ASPM: variants seen among roughly 807,000 people sequenced by gnomAD.
The protein encoded by ASPM is assembly factor for spindle microtubules.
ASPM carries 256 observed loss-of-function variants against 366.4 expected under a neutral mutation model. That is an observed-to-expected ratio of 0.70 (90% CI 0.63 to 0.77). The LOEUF is 0.77. Ranked by LOEUF, ASPM falls within the 30% of genes least tolerant of loss-of-function variation. The probability of loss-of-function intolerance (pLI) is 0.00; values close to 1 mark genes in which losing one functional copy is unlikely to be tolerated. For synonymous variants in ASPM, 1,414 were observed against 1,342.9 expected, an observed-to-expected ratio of 1.05 and a Z score of -1.16; for missense variants, 4,146 against 4,090.4, an observed-to-expected ratio of 1.01 and a Z score of -0.37.
At chr1:197,119,375 G>T (rs1477928505) in intron 16 of ASPM, among the ~76,000 whole-genome samples, 1 of 152,116 alleles carries the variant, frequency 6.6e-6, no homozygotes, top group Non-Finnish European at 1.5e-5. Context: ...TTCAAATGTT[G>T]CAGTTCAGAA....
intron 18 of ASPM, among the ~76,000 whole-genome samples, chr1:197,098,485 A>G (rs1657051467): frequency 6.6e-6 from 1 of 151,752 alleles, no homozygotes; most frequent in Non-Finnish European, 1.5e-5. Flanking sequence ...AAAAATTTTT[A>G]TAAGATTGTT....
intron 4 of ASPM, 22 bp downstream of exon 4, chr1:197,139,745 T>C (rs1658526389): frequency 6.6e-7 from 1 of 1,503,848 alleles, no homozygotes; most frequent in Non-Finnish European, 9.3e-7. Flanking sequence ...TTTCAGAGAG[T>C]TTAAGTATAA....
rs1657300090 is a variant in ASPM, at chr1:197,103,864, T to C, written c.5387A>G (p.Lys1796Arg). ...HAYKAQVNQR[K>R]NFLQVKKAAT... Reference sequence around the variant, plus strand: ...TGCTTTTTTGACTTGCAAGAAGTTCTTCCTCTGATTGACCTGTGCTTTGTA... The same window carrying C: ...TGCTTTTTTGACTTGCAAGAAGTTCCTCCTCTGATTGACCTGTGCTTTGTA... The change falls in exon 18 of 28, where the codon AAG (lysine) becomes AGG (arginine). Residue 1796 changes from lysine to arginine, a missense_variant. By Grantham distance (26) the Lys-to-Arg change is conservative. Coordinates refer to ENST00000367409, the MANE Select transcript of ASPM (RefSeq NM_018136.5). The C allele has an allele frequency of 6.2e-7, 1 of 1,612,908 alleles. No individual in the cohort carries two copies. Among genetic ancestry groups the C allele is most frequent in the Non-Finnish European group, 8.5e-7 (1 of 1,179,404 alleles).
In ASPM at chr1:197,112,915, G is replaced by C. The variant is rs570683093; in HGVS notation, c.4065+4874C>G. On this transcript the variant is annotated intron_variant, in intron 17 of 27. Coordinates refer to ENST00000367409, the MANE Select transcript of ASPM (RefSeq NM_018136.5). Reference sequence around the variant, plus strand: ...AAAATAAACTTTCTAAATTAACTGAGACCTGACTCAAATTTTGGGGGTTCA... The same window carrying C: ...AAAATAAACTTTCTAAATTAACTGACACCTGACTCAAATTTTGGGGGTTCA... 2.0e-5 allele frequency among the ~76,000 whole-genome samples: 3 copies of C among 152,118 alleles called. No individual in the cohort carries two copies. The East Asian group carries it at 5.8e-4, about 29-fold the overall frequency.
chr1:197,144,029 T>C lies in ASPM; in HGVS notation c.369A>G (p.Thr123=), dbSNP rs751735447. Residue 123 remains threonine (T), a synonymous_variant, in exon 2 of 28, where the codon ACA becomes ACG. Transcript: ENST00000367409. ...LKEGRVREIM[T]FLVNDVLKHQ... is the part of the protein sequence containing the mutation. The stretch of plus-strand genomic sequence containing the variant: ...GTTTCAGAACATCATTTACAAGAAA[T>C]GTCATAATCTCTCTTACTCGGCCTT... The C allele has an allele frequency of 2.5e-6, 4 of 1,610,758 alleles. No homozygotes were observed. The highest frequency in any genetic ancestry group is 2.5e-6 in the Non-Finnish European group (3 of 1,177,126).
At chr1:197,108,971 CAAAAA>C (rs564818123) in intron 17 of ASPM, among the ~76,000 whole-genome samples, 3 of 69,758 alleles carry the variant, frequency 4.3e-5, no homozygotes, top group African/African-American at 6.5e-5. Flanking sequence ...ACCCTGTCTC[CAAAAA>C]AAAAAAAAAA....
chr1:197,111,395 G>A (rs1159629042), intron 17 of ASPM, among the ~76,000 whole-genome samples: 5 of 151,846 alleles, frequency 3.3e-5, no homozygotes, highest in Admixed American at 6.6e-5. Context: ...CATCTCACCC[G>A]TCAAGATGGC....
chr1:197,090,849 C>A lies in ASPM; in HGVS notation c.9636+1G>T. 6.2e-7 allele frequency: 1 copy of A among 1,611,418 alleles called. No homozygotes were observed. Among genetic ancestry groups the A allele is most frequent in the East Asian group, 2.2e-5 (1 of 44,786 alleles). On this transcript the variant is annotated splice_donor_variant, in intron 23 of 27. Coordinates refer to ENST00000367409, the MANE Select transcript of ASPM (RefSeq NM_018136.5). LOFTEE classifies it high-confidence loss of function. Reference sequence around the variant, plus strand: ...ACTAAAACTATACAAGTTTCAATTACCTGAATTTTAATGATTCCACTAGTG... The same window carrying A: ...ACTAAAACTATACAAGTTTCAATTAACTGAATTTTAATGATTCCACTAGTG...
intron 4 of ASPM, 106 bp from the exon 5 acceptor site, chr1:197,135,348 C>CA: frequency 8.7e-7 from 1 of 1,153,954 alleles, no homozygotes; most frequent in Admixed American, 1.8e-5. Flanking sequence ...AAACACTGAA[C>CA]AATATTTGCT....
intron 12 of ASPM, 66 bp from the exon 13 acceptor site, chr1:197,124,397 A>G: frequency 8.8e-7 from 1 of 1,140,312 alleles, no homozygotes; most frequent in Non-Finnish European, 1.3e-6. Context: ...AACCCACAGA[A>G]ATCAAAGTAA....
At position 197,103,115 on chromosome 1, in the gene ASPM, C is replaced by T. The variant is rs1657254396; in HGVS notation, c.6136G>A (p.Ala2046Thr). The change falls in exon 18 of 28, where the codon GCA (alanine) becomes ACA (threonine). Residue 2046 changes from alanine (A) to threonine (T), a missense_variant. Physicochemically the swap from Ala to Thr is moderately conservative, Grantham distance 58. Around this residue, in one of 3 missense-constraint regions of ASPM, gnomAD observed 3,624 missense variants for 3,591.7 expected, o/e 1.01. Coordinates refer to ENST00000367409, the MANE Select transcript of ASPM (RefSeq NM_018136.5). ...VRKRIKDCNK[A>T]AVTIQSKYRA... ...TATTTAGACTGTATAGTGACTGCTG[C>T]TTTGTTGCAATCCTTTATTCTTTTT... 6.2e-7 allele frequency: 1 copy of T among 1,612,766 alleles called. No individual in the cohort carries two copies. Among genetic ancestry groups the T allele is most frequent in the Non-Finnish European group, 8.5e-7 (1 of 1,179,326 alleles).
Position 197,133,473 on chromosome 1 carries a change from G to C in ASPM, c.2296C>G (p.Arg766Gly). The C allele has an allele frequency of 6.2e-7, 1 of 1,614,022 alleles. No individual in the cohort carries two copies. Among genetic ancestry groups the C allele is most frequent in the South Asian group, 1.1e-5 (1 of 91,072 alleles). Residue 766 changes from arginine (R) to glycine (G), a missense_variant, in exon 6 of 28, where the codon CGT becomes GGT. Physicochemically the swap from Arg to Gly is moderately radical, Grantham distance 125 (BLOSUM62 -2). Transcript: ENST00000367409. ...YTARCRLNRLRRAACRLFTSE... is the reference protein window; with the variant it reads ...YTARCRLNRLGRAACRLFTSE... The stretch of plus-strand genomic sequence containing the variant: ...GTAAACAAACGGCATGCTGCACGAC[G>C]TAGTCTGTTTAACCTACACCGAGCA...
intron 17 of ASPM, among the ~76,000 whole-genome samples, chr1:197,116,451 A>G (rs900214415): frequency 6.6e-6 from 1 of 152,200 alleles, no homozygotes; most frequent in Non-Finnish European, 1.5e-5. Context: ...CAAAGTGAGC[A>G]TATCCTGTTG....
intron 17 of ASPM, among the ~76,000 whole-genome samples, chr1:197,107,049 A>C (rs1457991884): frequency 2.6e-5 from 4 of 152,074 alleles, no homozygotes; most frequent in Non-Finnish European, 5.9e-5. Flanking sequence ...GAAAGAATGC[A>C]GTAGAGCAGT....
chr1:197,090,417 A>G (rs766709416), intron 23 of ASPM, 29 bp from the exon 24 acceptor site: 1 of 1,516,714 alleles, frequency 6.6e-7, no homozygotes, highest in Admixed American at 1.7e-5. Context: ...AGTAATTTTA[A>G]GATTATAGCC....
chr1:197,102,395 TGA>T lies in ASPM; in HGVS notation c.6854_6855del (p.Leu2285GlnfsTer32), dbSNP rs587783259. 6.8e-6 allele frequency: 11 copies of T among 1,612,654 alleles called. No individual in the cohort carries two copies. The highest frequency in any genetic ancestry group is 4.5e-5 in the East Asian group (2 of 44,844). On this transcript the variant is annotated frameshift_variant, in exon 18 of 28. Coordinates refer to ENST00000367409, the MANE Select transcript of ASPM (RefSeq NM_018136.5). LOFTEE classifies it high-confidence loss of function. ...CTCTGAATCAAAATAGCAGTTTTCT[TGA>T]GAGAGAGGAATCTTCTTCTCATCAT... The part of the protein sequence containing the change: ...TLMMRRRFLS[L>X]KKTAILIQRK...
intron 18 of ASPM, among the ~76,000 whole-genome samples, chr1:197,098,866 C>T (rs1166094834): frequency 2.6e-5 from 4 of 151,696 alleles, no homozygotes; most frequent in South Asian, 2.1e-4. Context: ...ACACTACTCT[C>T]CTGAACTCCA....
chr1:197,146,468 T>C lies in ASPM; in HGVS notation c.-31A>G. The C allele has an allele frequency of 6.2e-7, 1 of 1,600,126 alleles. No homozygotes were observed. The highest frequency in any genetic ancestry group is 2.2e-5 in the East Asian group (1 of 44,762). On this transcript the variant is annotated 5_prime_UTR_variant, in exon 1 of 28. Transcript: ENST00000367409. ...ATTCGAGACCCCTCCTGGATCTCCT[T>C]GCCCCGCTCCCACGAGGCGGCTCCG...
chr1:197,094,187 A>G lies in ASPM; in HGVS notation c.8988-7T>C, dbSNP rs774094897. Reference sequence around the variant, plus strand: ...TGCTCTCACATTCAAAAACCTAAAAAGTAGTTATTGGAAAGCAATGTCAAA... The same window carrying G: ...TGCTCTCACATTCAAAAACCTAAAAGGTAGTTATTGGAAAGCAATGTCAAA... On this transcript the variant is annotated splice_polypyrimidine_tract_variant and splice_region_variant and intron_variant, in intron 19 of 27. Transcript: ENST00000367409. The G allele has an allele frequency of 1.3e-6, 2 of 1,575,370 alleles. No individual in the cohort carries two copies. The highest frequency in any genetic ancestry group is 1.7e-4 in the Middle Eastern group (1 of 5,982).
Sources: gnomAD v4.1 joint callset for allele counts (sites outside exome capture counted in the v4.1 genomes callset) on GRCh38, gnomAD v4.1.1 for gene constraint, gnomAD v4.1.1 regional missense constraint, MANE v1.5 for transcripts, NCBI Gene and HGNC (gene_info 2026-07-23, HGNC 2026-07-21) for gene names.